ZBTB16: variants seen among roughly 807,000 people sequenced by gnomAD.
ZBTB16 encodes the protein zinc finger and BTB domain containing 16, also known as zinc finger and BTB domain-containing protein 16.
Under a neutral mutation model 56.8 loss-of-function variants are expected in ZBTB16, and 8 were observed. The observed-to-expected ratio is 0.14, with a 90% CI of 0.08 to 0.25. The LOEUF is 0.25. ZBTB16 is among the 10% of genes least tolerant of loss of function. The pLI, the probability that ZBTB16 is intolerant of heterozygous loss-of-function variation, is 1.00. For missense variants in ZBTB16, 625 were observed against 903.0 expected (o/e 0.69, Z 3.95); for synonymous variants, 363 against 368.5 (o/e 0.98, Z 0.17).
At chr11:114,114,692 T>C (rs543894409) in intron 2 of ZBTB16, among the ~76,000 whole-genome samples, 26 of 151,730 alleles carry the variant, frequency 1.7e-4, no homozygotes, top group Non-Finnish European at 1.6e-4. Context: ...CTTTTTTTTT[T>C]TTTTTGAGGC....
intron 4 of ZBTB16, among the ~76,000 whole-genome samples, chr11:114,238,454 G>C (rs997773645): frequency 6.6e-6 from 1 of 151,872 alleles, no homozygotes; most frequent in Admixed American, 6.6e-5. Context: ...TCCTCCTCCT[G>C]GTTGCAGACT....
intron 2 of ZBTB16, among the ~76,000 whole-genome samples, chr11:114,131,535 C>G (rs1461387486): frequency 3.9e-5 from 6 of 152,286 alleles, no homozygotes; most frequent in East Asian, 1.9e-4. Flanking sequence ...GATAGGCAGG[C>G]CTGTCCCCAG....
intron 4 of ZBTB16, among the ~76,000 whole-genome samples, chr11:114,231,169 A>G (rs1944436453): frequency 6.6e-6 from 1 of 152,198 alleles, no homozygotes; most frequent in Non-Finnish European, 1.5e-5. Context: ...TTGTTCAGAC[A>G]AGGAAATTGG....
chr11:114,240,247 C>T (rs1378203254), intron 4 of ZBTB16, among the ~76,000 whole-genome samples: 1 of 152,132 alleles, frequency 6.6e-6, no homozygotes, highest in African/African-American at 2.4e-5. Context: ...AGAGGTGGGC[C>T]TTGCCTGCCT....
chr11:114,236,289 A>T (rs2135187312), intron 4 of ZBTB16, among the ~76,000 whole-genome samples: 2 of 152,340 alleles, frequency 1.3e-5, no homozygotes, highest in Admixed American at 1.3e-4. Flanking sequence ...AGGGCAGGTT[A>T]GTTATGAATT....
At chr11:114,101,316 T>TTTTG (rs141539134) in intron 2 of ZBTB16, among the ~76,000 whole-genome samples, 4,101 of 152,090 alleles carry the variant, frequency 0.027, 179 homozygotes, top group African/African-American at 0.093. Context: ...TGTTTGGTGT[T>TTTTG]TTTGTTTGTT....
intron 4 of ZBTB16, chr11:114,210,915 AT>A (rs926432952): frequency 1.3e-3 from 250 of 186,898 alleles, no homozygotes; most frequent in East Asian, 2.5e-3. Context: ...TGATATGTTG[AT>A]TTTTTTTTTG....
intron 4 of ZBTB16, among the ~76,000 whole-genome samples, chr11:114,235,904 CCTT>C (rs1944580400): frequency 6.6e-6 from 1 of 151,524 alleles, no homozygotes; most frequent in African/African-American, 2.4e-5. Flanking sequence ...GTGTGGGTCA[CCTT>C]CTCTGGAGAT....
At chr11:114,084,075 C>G (rs951359967) in intron 2 of ZBTB16, among the ~76,000 whole-genome samples, 10 of 152,214 alleles carry the variant, frequency 6.6e-5, no homozygotes, top group African/African-American at 2.4e-4. Flanking sequence ...TTCTACTAAT[C>G]TGTCCACTGA....
chr11:114,198,353 C>G (rs938177430), intron 4 of ZBTB16, among the ~76,000 whole-genome samples: 1 of 152,120 alleles, frequency 6.6e-6, no homozygotes, highest in East Asian at 1.9e-4. Flanking sequence ...TAATTTCATG[C>G]TGTTACTATA....
At chr11:114,115,227 A>G (rs1941134778) in intron 2 of ZBTB16, among the ~76,000 whole-genome samples, 1 of 151,824 alleles carries the variant, frequency 6.6e-6, no homozygotes. Flanking sequence ...TTTATAGGTG[A>G]GCAGGGACGG....
chr11:114,157,678 C>T (rs1009754839), intron 3 of ZBTB16, among the ~76,000 whole-genome samples: 1 of 152,194 alleles, frequency 6.6e-6, no homozygotes, highest in South Asian at 2.1e-4. Flanking sequence ...TGCTGCAGGG[C>T]CCATGTGGTT....
At chr11:114,068,206 A>G (rs1021837341) in intron 2 of ZBTB16, among the ~76,000 whole-genome samples, 1 of 152,106 alleles carries the variant, frequency 6.6e-6, no homozygotes, top group Non-Finnish European at 1.5e-5. Flanking sequence ...GGTAAAGACT[A>G]GATACCCAGC....
At chr11:114,167,854 G>T (rs1242903883) in intron 3 of ZBTB16, among the ~76,000 whole-genome samples, 1 of 152,204 alleles carries the variant, frequency 6.6e-6, no homozygotes, top group African/African-American at 2.4e-5. Flanking sequence ...GGCTCTAGTT[G>T]TTTTAAATAG....
At chr11:114,118,013 T>C (rs77207689) in intron 2 of ZBTB16, among the ~76,000 whole-genome samples, 4,275 of 152,250 alleles carry the variant, frequency 0.028, 124 homozygotes, top group Admixed American at 0.086. Context: ...ACTGACGAAA[T>C]CATGACTCTG....
At chr11:114,095,245 C>CTTTTCTTTTCTTTTCTTTCTT (rs1555132749) in intron 2 of ZBTB16, among the ~76,000 whole-genome samples, 1 of 90,480 alleles carries the variant, frequency 1.1e-5, no homozygotes. Flanking sequence ...CTTTTCTTTT[C>CTTTTCTTTTCTTTTCTTTCTT]TTTTTTTTTT....
intron 4 of ZBTB16, among the ~76,000 whole-genome samples, chr11:114,198,402 A>G (rs1172746144): frequency 5.6e-3 from 1 of 180 alleles, no homozygotes; most frequent in Non-Finnish European, 0.011. Flanking sequence ...TTTATTTTCC[A>G]AGCACAGGGG....
chr11:114,073,263 C>T (rs1046643489), intron 2 of ZBTB16, among the ~76,000 whole-genome samples: 4 of 152,012 alleles, frequency 2.6e-5, no homozygotes, highest in Non-Finnish European at 4.4e-5. Flanking sequence ...AGGACTAGTA[C>T]GTCATCTCTT....
At chr11:114,220,619 A>T (rs1172146615) in intron 4 of ZBTB16, among the ~76,000 whole-genome samples, 1 of 152,232 alleles carries the variant, frequency 6.6e-6, no homozygotes, top group East Asian at 1.9e-4. Context: ...CTGATTCATC[A>T]GTGTCTCCCC....
Sources: allele counts gnomAD v4.1 joint callset (sites outside exome capture counted in the v4.1 genomes callset), GRCh38; gene constraint gnomAD v4.1.1; transcripts MANE v1.5; gene names NCBI Gene and HGNC (gene_info 2026-07-23, HGNC 2026-07-21).